The following CHM variants were observed in gnomAD, a reference collection of about 807,000 sequenced individuals.
The protein encoded by CHM is CHM Rab escort protein, also known as rab proteins geranylgeranyltransferase component A 1.
Under a neutral mutation model 49.0 loss-of-function variants are expected in CHM, and 10 were observed. The observed-to-expected ratio is 0.20, with a 90% CI of 0.13 to 0.35. The LOEUF (loss-of-function observed/expected upper bound fraction) is 0.35, where lower values mean the gene tolerates loss of function less well. Among genes scored for constraint, CHM ranks in the 10% least tolerant of loss-of-function variants. The pLI is 1.00. For synonymous variants in CHM, 184 were observed against 167.5 expected (o/e 1.10, Z -0.76); for missense variants, 455 against 478.4 (o/e 0.95, Z 0.46).
Position 86,007,043 on chromosome X carries a change from C to T in CHM, c.116+20448G>A, listed in dbSNP as rs777922097. Among the ~76,000 whole-genome samples the T allele has an allele frequency of 4.3e-3, 482 of 111,546 alleles. 3 individuals are homozygous for T. The highest frequency in any genetic ancestry group is 0.015 in the African/African-American group (455 of 30,698). On this transcript the variant is annotated intron_variant, in intron 2 of 14. Coordinates refer to ENST00000357749, the MANE Select transcript of CHM (RefSeq NM_000390.4). ...GGCTACAGTAACCAAAACAGCATGG[C>T]ACTGGTACCAAAACAGAGATATAAA...
At chrX:86,008,263 G>A (rs940562661) in intron 2 of CHM, among the ~76,000 whole-genome samples, 2 of 111,178 alleles carry the variant, frequency 1.8e-5, no homozygotes, top group Admixed American at 9.5e-5. Context: ...GTCGGCAGGT[G>A]GGGGGCTGGG....
At chrX:85,945,400 G>T (rs1478435418) in intron 8 of CHM, among the ~76,000 whole-genome samples, 1 of 103,223 alleles carries the variant, frequency 9.7e-6, no homozygotes, top group Non-Finnish European at 2.0e-5. Flanking sequence ...GTTCTCACAA[G>T]ATCTGGTTGT....
At chrX:85,969,949 G>C (rs1435694299) in intron 4 of CHM, 1 of 111,628 alleles carries the variant, frequency 9.0e-6, no homozygotes, top group Non-Finnish European at 1.9e-5. Flanking sequence ...CAGGAGGGAG[G>C]GGAAGATGAG....
chrX:86,009,239 T>C (rs1422040132), intron 2 of CHM, among the ~76,000 whole-genome samples: 2 of 112,394 alleles, frequency 1.8e-5, no homozygotes, highest in African/African-American at 6.5e-5. Context: ...TTATTGAATC[T>C]CCCATATGGT....
Position 85,901,184 on chromosome X carries a change from T to G in CHM, c.1249A>C (p.Lys417Gln), listed in dbSNP as rs1273866628. The change falls in exon 10 of 15, where the codon AAA becomes CAA. Residue 417 changes from lysine to glutamine, a missense_variant. Physicochemically the swap from Lys to Gln is moderately conservative, Grantham distance 53. Transcript: ENST00000357749. Reference sequence around the variant, plus strand: ...TGACCAAACTGATCTATAATTGCTTTACATCTATAAAGAAGATAAGCATAC... The same window carrying G: ...TGACCAAACTGATCTATAATTGCTTGACATCTATAAAGAAGATAAGCATAC... ...LVVDKESRKC[K>Q]AIIDQFGQRI... The G allele has an allele frequency of 6.2e-6, 7 of 1,133,583 alleles. No individual in the cohort carries two copies. Among genetic ancestry groups the G allele is most frequent in the Non-Finnish European group, 8.4e-6 (7 of 832,387 alleles). 93.4% of individuals were successfully genotyped at this position (1,133,583 alleles called of 1,213,427 possible).
intron 2 of CHM, among the ~76,000 whole-genome samples, chrX:86,000,763 CAT>C (rs1195981553): frequency 9.0e-6 from 1 of 110,925 alleles, no homozygotes; most frequent in Non-Finnish European, 1.9e-5. Flanking sequence ...ACAAATATCT[CAT>C]GTTCTCACTC....
At chrX:85,928,174 T>C (rs1449112527) in intron 8 of CHM, among the ~76,000 whole-genome samples, 1 of 112,282 alleles carries the variant, frequency 8.9e-6, no homozygotes, top group Admixed American at 9.4e-5. Context: ...ACAATGAAAG[T>C]GTCTCTTTAT....
At chrX:85,890,612 GT>G (rs1443371351) in intron 12 of CHM, among the ~76,000 whole-genome samples, 1 of 112,020 alleles carries the variant, frequency 8.9e-6, no homozygotes, top group Non-Finnish European at 1.9e-5. Context: ...CACGTAAGAA[GT>G]GCCTTTTGCC....
intron 12 of CHM, among the ~76,000 whole-genome samples, chrX:85,892,951 G>A (rs1388283813): frequency 9.0e-6 from 1 of 110,973 alleles, no homozygotes; most frequent in Non-Finnish European, 1.9e-5. Context: ...ATGATATTAT[G>A]TCTCCCTCCT....
At chrX:85,875,395 T>C (rs1412610143) in intron 13 of CHM, among the ~76,000 whole-genome samples, 2 of 111,757 alleles carry the variant, frequency 1.8e-5, no homozygotes, top group African/African-American at 3.2e-5. Flanking sequence ...TTCAACTTGA[T>C]AGTAAGAAGG....
At chrX:85,986,981 T>C (rs1344839380) in intron 2 of CHM, among the ~76,000 whole-genome samples, 1 of 107,350 alleles carries the variant, frequency 9.3e-6, no homozygotes, top group African/African-American at 3.4e-5. Context: ...AACTAACAAA[T>C]CTGACAAAGT....
At chrX:85,948,492 A>T (rs1470282143) in intron 8 of CHM, among the ~76,000 whole-genome samples, 2 of 112,218 alleles carry the variant, frequency 1.8e-5, no homozygotes, top group Non-Finnish European at 3.8e-5. Context: ...ACCAAAAAAA[A>T]ATCTACCTAT....
chrX:85,976,602 T>C (rs1450908126), intron 4 of CHM, among the ~76,000 whole-genome samples: 2 of 107,500 alleles, frequency 1.9e-5, no homozygotes, highest in Admixed American at 2.0e-4. Flanking sequence ...CCAGCTTGGG[T>C]AGCAGAGTGA....
Position 85,950,009 on chromosome X carries a change from A to G in CHM, c.1166+6144T>C, listed in dbSNP as rs893355394. 3.7e-5 allele frequency among the ~76,000 whole-genome samples: 3 copies of G among 81,284 alleles called. No homozygotes were observed. In the South Asian group the frequency reaches 1.7e-3, roughly 47 times the overall value. 70.6% of individuals were successfully genotyped at this position (81,284 alleles called of 115,157 possible). A position where few individuals can be genotyped will look rare whatever the true frequency, so the allele number is the denominator to read the frequency against. On this transcript the variant is annotated intron_variant, in intron 8 of 14. Coordinates refer to ENST00000357749, the MANE Select transcript of CHM (RefSeq NM_000390.4). ...TATATATATATATATATATATATAT[A>G]TCTTGTAATGGTATCACTATGTGGA...
In CHM at chrX:85,862,048, T is replaced by A. The variant is rs1336194987; in HGVS notation, c.*2582A>T. On this transcript the variant is annotated 3_prime_UTR_variant, in exon 15 of 15. Transcript: ENST00000357749. ...ACATTTTGAGGCAACAGGAAATATATAAAGTTCTTAAAGTCTTTTATCAGT... is the reference window on the plus strand; with the variant it reads ...ACATTTTGAGGCAACAGGAAATATAAAAAGTTCTTAAAGTCTTTTATCAGT... 8.9e-6 allele frequency: 1 copy of A among 112,346 alleles called. No individual in the cohort carries two copies. Among genetic ancestry groups the A allele is most frequent in the East Asian group, 2.8e-4 (1 of 3,610 alleles). 9.3% of individuals were successfully genotyped at this position (112,346 alleles called of 1,213,427 possible).
chrX:85,920,249 C>T (rs1347082410), intron 8 of CHM, among the ~76,000 whole-genome samples: 1 of 109,983 alleles, frequency 9.1e-6, no homozygotes, highest in East Asian at 2.9e-4. Context: ...GCGCCCACCA[C>T]CACACCCAGC....
chrX:86,001,380 AG>A (rs751146959), intron 2 of CHM, among the ~76,000 whole-genome samples: 1 of 111,214 alleles, frequency 9.0e-6, no homozygotes, highest in South Asian at 3.8e-4. Context: ...CTATACTGCC[AG>A]TATTAGGGAG....
At chrX:85,913,313 CAAAA>C (rs1169192160) in intron 8 of CHM, among the ~76,000 whole-genome samples, 10 of 8,054 alleles carry the variant, frequency 1.2e-3, no homozygotes, top group Middle Eastern at 0.17. Context: ...AAGACTCTGT[CAAAA>C]AAAAAAAAAA....
intron 2 of CHM, among the ~76,000 whole-genome samples, chrX:86,025,282 A>T (rs1933757133): frequency 8.9e-6 from 1 of 112,234 alleles, no homozygotes; most frequent in African/African-American, 3.2e-5. Context: ...TTGTCAAAGT[A>T]AGACCTAGGT....
Sources: allele counts gnomAD v4.1 joint callset (sites outside exome capture counted in the v4.1 genomes callset), GRCh38; gene constraint gnomAD v4.1.1; transcripts MANE v1.5; gene names NCBI Gene and HGNC (gene_info 2026-07-23, HGNC 2026-07-21).